Variants in WDTC1 observed in about 807,000 individuals in gnomAD.
WDTC1 encodes the protein WD and tetratricopeptide repeats 1.
A neutral mutation model predicts 76.0 loss-of-function variants in WDTC1; 12 were observed. That is an observed-to-expected ratio of 0.16 (90% CI 0.10 to 0.26). The LOEUF (loss-of-function observed/expected upper bound fraction) is 0.26, where lower values mean the gene tolerates loss of function less well. Among genes scored for constraint, WDTC1 ranks in the 10% least tolerant of loss-of-function variants. The probability of loss-of-function intolerance (pLI) is 1.00; values close to 1 mark genes in which losing one functional copy is unlikely to be tolerated. For synonymous variants in WDTC1, 326 were observed against 350.8 expected (o/e 0.93, Z 0.79); for missense variants, 511 against 908.8 (o/e 0.56, Z 5.63).
At chr1:27,254,620 A>C (rs1257695236) in intron 1 of WDTC1, among the ~76,000 whole-genome samples, 1 of 151,908 alleles carries the variant, frequency 6.6e-6, no homozygotes, top group African/African-American at 2.4e-5. Flanking sequence ...CTAAGTAGGC[A>C]TCAGTTGTAT....
Position 27,296,860 on chromosome 1 carries a change from G to T in WDTC1, c.950-188G>T, listed in dbSNP as rs529283469. On this transcript the variant is annotated intron_variant, in intron 10 of 15. Coordinates refer to ENST00000319394, the MANE Select transcript of WDTC1 (RefSeq NM_001276252.2). The stretch of plus-strand genomic sequence containing the variant: ...ATGCCACGGTGAAGTTGTGTCCCTC[G>T]CCAGCCAGCAGAGGGCGCACGGGCT... 7.4e-5 allele frequency among the ~76,000 whole-genome samples: 10 copies of T among 134,442 alleles called. No individual in the cohort carries two copies. In the East Asian group the frequency reaches 2.2e-3, roughly 29 times the overall value. The allele number at this position is 134,442 out of a possible 152,430, so 88.2% of individuals were successfully genotyped here. A position where few individuals can be genotyped will look rare whatever the true frequency, so the allele number is the denominator to read the frequency against.
At chr1:27,237,202 T>C (rs1375954328) in intron 1 of WDTC1, among the ~76,000 whole-genome samples, 1 of 152,132 alleles carries the variant, frequency 6.6e-6, no homozygotes, top group Non-Finnish European at 1.5e-5. Flanking sequence ...CTCAAACTCC[T>C]GAGCTCAAGG....
intron 3 of WDTC1, among the ~76,000 whole-genome samples, chr1:27,263,889 A>G (rs140744655): frequency 6.6e-6 from 1 of 151,728 alleles, no homozygotes; most frequent in Non-Finnish European, 1.5e-5. Flanking sequence ...ATACGTATAC[A>G]TATACATATA....
At chr1:27,277,459 C>G (rs2013063074) in intron 3 of WDTC1, among the ~76,000 whole-genome samples, 1 of 152,038 alleles carries the variant, frequency 6.6e-6, no homozygotes, top group African/African-American at 2.4e-5. Flanking sequence ...TACTTAATTG[C>G]TTGACACTCT....
chr1:27,265,680 T>C (rs573663385), intron 3 of WDTC1, among the ~76,000 whole-genome samples: 1 of 152,032 alleles, frequency 6.6e-6, no homozygotes, highest in Admixed American at 6.6e-5. Context: ...GCGCAGTGGC[T>C]CACACCTGTA....
chr1:27,239,810 C>CAAA (rs532939885), intron 1 of WDTC1, among the ~76,000 whole-genome samples: 1 of 60,804 alleles, frequency 1.6e-5, no homozygotes, highest in Admixed American at 1.8e-4. Flanking sequence ...GACTCTGTCT[C>CAAA]AAAAAAAAAA....
intron 6 of WDTC1, 77 bp from the exon 7 acceptor site, chr1:27,292,138 A>G: frequency 7.2e-7 from 1 of 1,384,216 alleles, no homozygotes; most frequent in Non-Finnish European, 9.6e-7. Flanking sequence ...CTCTTGCATA[A>G]CAAGAACTTA....
intron 1 of WDTC1, among the ~76,000 whole-genome samples, chr1:27,250,805 T>A (rs2012023423): frequency 6.6e-6 from 1 of 151,938 alleles, no homozygotes; most frequent in South Asian, 2.1e-4. Flanking sequence ...ATTATATTAC[T>A]GATCACCTTG....
At position 27,285,140 on chromosome 1, in the gene WDTC1, G is replaced by A. The variant is rs560483444; in HGVS notation, c.291+1691G>A. ...GCAACCTCCGCCTCTGGGTTCAAGC[G>A]ATTCTTGTGCCTCAGCCTCCTAAGT... On this transcript the variant is annotated intron_variant, in intron 5 of 15. Transcript: ENST00000319394. 7.3e-5 allele frequency among the ~76,000 whole-genome samples: 11 copies of A among 151,102 alleles called. No homozygotes were observed. The East Asian group carries it at 2.0e-3, about 27-fold the overall frequency.
intron 12 of WDTC1, among the ~76,000 whole-genome samples, chr1:27,299,505 G>C (rs1033228195): frequency 6.6e-6 from 1 of 152,066 alleles, no homozygotes; most frequent in South Asian, 2.1e-4. Context: ...TGTGGGGGAA[G>C]GACATTCCAG....
At chr1:27,281,323 G>A (rs192820586) in intron 3 of WDTC1, among the ~76,000 whole-genome samples, 178 of 151,860 alleles carry the variant, frequency 1.2e-3, no homozygotes, top group African/African-American at 4.1e-3. Context: ...GCGTGTTGGC[G>A]GGCGCCTGTA....
intron 3 of WDTC1, among the ~76,000 whole-genome samples, chr1:27,275,330 G>A (rs1025838260): frequency 1.3e-5 from 2 of 152,076 alleles, no homozygotes; most frequent in Admixed American, 6.6e-5. Context: ...TTCTAACAAA[G>A]ACTTGTCAGA....
chr1:27,257,252 T>C (rs778978867), intron 1 of WDTC1, among the ~76,000 whole-genome samples: 10 of 152,180 alleles, frequency 6.6e-5, no homozygotes, highest in Non-Finnish European at 8.8e-5. Context: ...ACAGCAGCCT[T>C]CTAAGGAAAA....
intron 1 of WDTC1, among the ~76,000 whole-genome samples, chr1:27,256,010 G>C (rs145350191): frequency 6.6e-6 from 1 of 152,082 alleles, no homozygotes; most frequent in Admixed American, 6.6e-5. Context: ...TATCAGGCAG[G>C]ATTTGTAGTT....
At chr1:27,283,094 C>T (rs776129597) in intron 4 of WDTC1, among the ~76,000 whole-genome samples, 7 of 150,528 alleles carry the variant, frequency 4.7e-5, no homozygotes, top group South Asian at 2.1e-4. Context: ...GCCGAGATCG[C>T]GCCACTGCAC....
At position 27,301,173 on chromosome 1, in the gene WDTC1, C is replaced by T. The variant is rs2013822767; in HGVS notation, c.1233-53C>T. On this transcript the variant is annotated intron_variant, in intron 12 of 15. Coordinates refer to ENST00000319394, the MANE Select transcript of WDTC1 (RefSeq NM_001276252.2). The surrounding 1 kb of genome is among the most constrained non-coding windows in gnomAD (Gnocchi z 5.8). Reference sequence around the variant, plus strand: ...GAAGCAGAGGAGACTGAATGGGGACCCCTTGCTTGCCACGTGGCTCCACCT... The same window carrying T: ...GAAGCAGAGGAGACTGAATGGGGACTCCTTGCTTGCCACGTGGCTCCACCT... 7.1e-6 allele frequency: 11 copies of T among 1,554,624 alleles called. No homozygotes were observed. The highest frequency in any genetic ancestry group is 1.1e-5 in the South Asian group (1 of 88,922).
At chr1:27,287,895 C>G in intron 6 of WDTC1, 34 bp downstream of exon 6, 14 of 1,593,718 alleles carry the variant, frequency 8.8e-6, no homozygotes, top group Non-Finnish European at 1.2e-5. Flanking sequence ...GAGCCTGTCG[C>G]TCCCCCATCC....
At chr1:27,260,634 G>A (rs1038267529) in intron 1 of WDTC1, among the ~76,000 whole-genome samples, 3 of 152,218 alleles carry the variant, frequency 2.0e-5, no homozygotes, top group Non-Finnish European at 4.4e-5. Context: ...GAAACTTGAT[G>A]TCTTTCTAGC....
At chr1:27,287,901 C>T (rs1445243851) in intron 6 of WDTC1, 40 bp downstream of exon 6, 1 of 1,581,190 alleles carries the variant, frequency 6.3e-7, no homozygotes, top group African/African-American at 1.3e-5. Flanking sequence ...GTCGCTCCCC[C>T]ATCCCATCAT....
Sources: allele counts gnomAD v4.1 joint callset (sites outside exome capture counted in the v4.1 genomes callset), GRCh38; gene constraint gnomAD v4.1.1; non-coding constraint Gnocchi (gnomAD v3.1); transcripts MANE v1.5; gene names NCBI Gene and HGNC (gene_info 2026-07-23, HGNC 2026-07-21).